CNTN4: variants seen among roughly 807,000 people sequenced by gnomAD.
CNTN4 encodes the protein contactin-4.
A neutral mutation model predicts 122.5 loss-of-function variants in CNTN4; 77 were observed. That is an observed-to-expected ratio of 0.63 (90% CI 0.52 to 0.76). The LOEUF (loss-of-function observed/expected upper bound fraction) is 0.76, where lower values mean the gene tolerates loss of function less well. Ranked by LOEUF, CNTN4 falls within the 30% of genes least tolerant of loss-of-function variation. The probability of loss-of-function intolerance (pLI) is 0.00; values close to 1 mark genes in which losing one functional copy is unlikely to be tolerated. For missense variants in CNTN4, 1,256 were observed against 1,259.1 expected, an observed-to-expected ratio of 1.00 and a Z score of 0.04; for synonymous variants, 512 against 447.0, an observed-to-expected ratio of 1.15 and a Z score of -1.83.
At chr3:2,785,255 G>A (rs1340982339) in intron 6 of CNTN4, among the ~76,000 whole-genome samples, 1 of 152,144 alleles carries the variant, frequency 6.6e-6, no homozygotes, top group Non-Finnish European at 1.5e-5. Context: ...AGGAAAGCTG[G>A]TGTTATAATT....
chr3:2,371,665 A>T (rs928832509), intron 3 of CNTN4, among the ~76,000 whole-genome samples: 32 of 152,138 alleles, frequency 2.1e-4, no homozygotes, highest in Non-Finnish European at 4.3e-4. Context: ...CGTGTTCAGG[A>T]TTATATCCCC....
At chr3:2,468,026 A>G (rs1402833588) in intron 3 of CNTN4, among the ~76,000 whole-genome samples, 1 of 152,160 alleles carries the variant, frequency 6.6e-6, no homozygotes, top group Non-Finnish European at 1.5e-5. Context: ...GGCTCTCCTG[A>G]TTCCTAGTTT....
chr3:2,735,934 T>C (rs374280142), intron 4 of CNTN4: 7 of 554,694 alleles, frequency 1.3e-5, no homozygotes, highest in Admixed American at 9.7e-5. Flanking sequence ...GAACAATACA[T>C]AGAAGAGAGA....
intron 3 of CNTN4, among the ~76,000 whole-genome samples, chr3:2,413,082 A>G (rs759895043): frequency 6.6e-6 from 1 of 152,204 alleles, no homozygotes; most frequent in African/African-American, 2.4e-5. Flanking sequence ...GATTCTACAT[A>G]CATATGCATC....
At chr3:2,845,584 G>A (rs1297404102) in intron 7 of CNTN4, among the ~76,000 whole-genome samples, 1 of 152,148 alleles carries the variant, frequency 6.6e-6, no homozygotes, top group Non-Finnish European at 1.5e-5. Flanking sequence ...GGTCCCAAAA[G>A]TGTAGGACAA....
intron 3 of CNTN4, among the ~76,000 whole-genome samples, chr3:2,389,538 A>C (rs539611823): frequency 6.6e-6 from 1 of 151,964 alleles, no homozygotes; most frequent in African/African-American, 2.4e-5. Flanking sequence ...GCAGTTTATC[A>C]CTTGTTTGTT....
At chr3:2,892,329 C>G (rs968614418) in intron 10 of CNTN4, 10 of 152,192 alleles carry the variant, frequency 6.6e-5, no homozygotes, top group Non-Finnish European at 1.3e-4. Context: ...TGCTGCTTGT[C>G]TGGGAACCAC....
intron 3 of CNTN4, among the ~76,000 whole-genome samples, chr3:2,359,630 C>CCCGAAT (rs1357459064): frequency 3.3e-5 from 5 of 152,132 alleles, no homozygotes; most frequent in Admixed American, 2.0e-4. Flanking sequence ...AGCCCCGCCT[C>CCCGAAT]CCGAATTCAC....
chr3:2,826,194 G>A (rs942806929), intron 7 of CNTN4, among the ~76,000 whole-genome samples: 1 of 152,134 alleles, frequency 6.6e-6, no homozygotes, highest in African/African-American at 2.4e-5. Context: ...TGTACTTTCT[G>A]TGTCAGTGGT....
intron 4 of CNTN4, among the ~76,000 whole-genome samples, chr3:2,729,888 T>C (rs1035665712): frequency 6.6e-6 from 1 of 152,188 alleles, no homozygotes; most frequent in African/African-American, 2.4e-5. Flanking sequence ...TACTCCAGCC[T>C]GAGTGACAGA....
At chr3:2,395,681 T>A (rs2046615679) in intron 3 of CNTN4, among the ~76,000 whole-genome samples, 1 of 152,246 alleles carries the variant, frequency 6.6e-6, no homozygotes, top group African/African-American at 2.4e-5. Flanking sequence ...CTCCCAGTTA[T>A]AAGTGAGTAC....
chr3:2,748,449 C>T (rs988959681), intron 6 of CNTN4, among the ~76,000 whole-genome samples: 6 of 151,870 alleles, frequency 4.0e-5, no homozygotes, highest in Non-Finnish European at 8.8e-5. Context: ...TGATTGTTCT[C>T]CTAGTTTAGT....
Position 3,038,924 on chromosome 3 carries a change from C to T in CNTN4, c.2093-9C>T, listed in dbSNP as rs1165584118. 6.2e-7 allele frequency: 1 copy of T among 1,613,820 alleles called. No individual in the cohort carries two copies. The highest frequency in any genetic ancestry group is 2.2e-5 in the East Asian group (1 of 44,888). ...CCTGACATAACTTGTTTTTTGTCTC[C>T]TTGTGCAGTCCCCGAAGTCACACCA... On this transcript the variant is annotated splice_polypyrimidine_tract_variant and intron_variant, in intron 18 of 24. Transcript: ENST00000418658.
chr3:2,501,865 C>G (rs188706858), intron 3 of CNTN4, among the ~76,000 whole-genome samples: 2 of 152,176 alleles, frequency 1.3e-5, no homozygotes, highest in African/African-American at 4.8e-5. Context: ...TAAGCAACCA[C>G]GCATTGTCCA....
rs59025670 is a variant in CNTN4, at chr3:2,659,460, CAAAAAAAAAAAAA to C, written c.56-76745_56-76733del. Among the ~76,000 whole-genome samples the C allele has an allele frequency of 1.3e-4, 7 of 53,980 alleles. No homozygotes were observed. In the South Asian group the frequency reaches 4.0e-3, roughly 31 times the overall value. 35.4% of individuals were successfully genotyped at this position (53,980 alleles called of 152,430 possible). ...CTGGGTGACAGAGGAGACTCCATCT[CAAAAAAAAAAAAA>C]AAAAAAAAAGAAGAAGAAGAAGAAG... On this transcript the variant is annotated intron_variant, in intron 4 of 24. Transcript: ENST00000418658.
At chr3:2,830,492 G>A (rs1179309696) in intron 7 of CNTN4, among the ~76,000 whole-genome samples, 1 of 152,182 alleles carries the variant, frequency 6.6e-6, no homozygotes, top group African/African-American at 2.4e-5. Context: ...TTCTTTTGGA[G>A]TTGTCCTGTC....
chr3:2,647,380 C>CAAATAA (rs1317167547), intron 4 of CNTN4, among the ~76,000 whole-genome samples: 15 of 150,560 alleles, frequency 1.0e-4, no homozygotes, highest in Non-Finnish European at 1.9e-4. Context: ...AAACTCATCT[C>CAAATAA]ATAAATAAAT....
chr3:2,417,890 C>G (rs2047474673), intron 3 of CNTN4, among the ~76,000 whole-genome samples: 1 of 152,118 alleles, frequency 6.6e-6, no homozygotes, highest in African/African-American at 2.4e-5. Flanking sequence ...GGGAAAAAAG[C>G]TATATACTTT....
chr3:2,730,136 G>C (rs1023961730), intron 4 of CNTN4, among the ~76,000 whole-genome samples: 1 of 152,016 alleles, frequency 6.6e-6, no homozygotes, highest in Non-Finnish European at 1.5e-5. Context: ...TGTGGGGGGT[G>C]GCAGTGGATT....
Sources: allele counts gnomAD v4.1 joint callset (sites outside exome capture counted in the v4.1 genomes callset), GRCh38; gene constraint gnomAD v4.1.1; transcripts MANE v1.5; gene names NCBI Gene and HGNC (gene_info 2026-07-23, HGNC 2026-07-21).